The following PIEZO2 variants were observed in gnomAD, a reference collection of about 807,000 sequenced individuals.
PIEZO2 encodes piezo type mechanosensitive ion channel component 2, also known as piezo-type mechanosensitive ion channel component 2.
In PIEZO2, 172 loss-of-function variants were observed where a neutral mutation model predicts 337.3. The ratio of observed to expected loss-of-function variants is 0.51; its 90% CI spans 0.45 to 0.58. The LOEUF is 0.58. PIEZO2 is among the 20% of genes least tolerant of loss of function. The probability of loss-of-function intolerance (pLI) is 0.00; values close to 1 mark genes in which losing one functional copy is unlikely to be tolerated. For missense variants in PIEZO2, 3,028 were observed against 3,391.3 expected (o/e 0.89, Z 2.66); for synonymous variants, 1,251 against 1,228.5 (o/e 1.02, Z -0.38).
At chr18:11,068,467 A>T (rs185324952) in intron 1 of PIEZO2, among the ~76,000 whole-genome samples, 2 of 152,314 alleles carry the variant, frequency 1.3e-5, no homozygotes, top group Admixed American at 6.5e-5. Context: ...TAAAAGGGAG[A>T]TTAGAAAATA....
chr18:11,129,913 T>C lies in PIEZO2; in HGVS notation c.64+18612A>G, dbSNP rs955238357. The stretch of plus-strand genomic sequence containing the variant: ...TGGATCCAGTGGGTCCCCAGCCTCA[T>C]CCTGTGGTCATTTCCCCAATGCCAG... On this transcript the variant is annotated intron_variant, in intron 1 of 55. Transcript: ENST00000674853. The surrounding 1 kb of genome is among the most constrained non-coding windows in gnomAD (Gnocchi z 4.6). Among the ~76,000 whole-genome samples, 2 of 152,112 alleles carry C rather than the reference T, an allele frequency of 1.3e-5. No homozygotes were observed. Among genetic ancestry groups the C allele is most frequent in the Non-Finnish European group, 2.9e-5 (2 of 68,002 alleles).
intron 20 of PIEZO2, among the ~76,000 whole-genome samples, chr18:10,771,242 G>A (rs888968851): frequency 6.6e-6 from 1 of 152,264 alleles, no homozygotes; most frequent in Non-Finnish European, 1.5e-5. Flanking sequence ...TGCATGGGCA[G>A]GAAGAGCTTG....
At chr18:10,785,601 C>T (rs933138630) in intron 16 of PIEZO2, among the ~76,000 whole-genome samples, 2 of 152,180 alleles carry the variant, frequency 1.3e-5, no homozygotes, top group African/African-American at 4.8e-5. Flanking sequence ...ATAAATGGTA[C>T]AACTGTCTAC....
chr18:10,811,988 C>A (rs897742636), intron 7 of PIEZO2, among the ~76,000 whole-genome samples: 2 of 152,194 alleles, frequency 1.3e-5, no homozygotes, highest in Non-Finnish European at 1.5e-5. Flanking sequence ...CGCCCGCCAC[C>A]ACGCCCGGCT....
chr18:10,965,108 C>A lies in PIEZO2; in HGVS notation c.286+14427G>T, dbSNP rs559197525. Among the ~76,000 whole-genome samples the A allele has an allele frequency of 1.9e-4, 29 of 152,056 alleles. No individual in the cohort carries two copies. In the East Asian group the frequency reaches 3.7e-3, roughly 19 times the overall value. On this transcript the variant is annotated intron_variant, in intron 3 of 55. Transcript: ENST00000674853. The stretch of plus-strand genomic sequence containing the variant: ...TTGTGAACAGGTATCTGTGTGAATA[C>A]CTGTTTCCAATTCTTTTGTGTGTGT...
In PIEZO2 at chr18:10,863,538, G is replaced by A. The variant is rs1048413843; in HGVS notation, c.493-6327C>T. On this transcript the variant is annotated intron_variant, in intron 5 of 55. Transcript: ENST00000674853. This position sits in a 1 kb window ranked among gnomAD's most constrained non-coding sequence, Gnocchi z 4.3. ...CAGGGAAGGACAAACTGAATCAGCA[G>A]ACAGTGGCCAGTTAGACCAATGCCT... Among the ~76,000 whole-genome samples, 1 of 152,212 alleles carries A rather than the reference G, an allele frequency of 6.6e-6. No homozygotes were observed. The highest frequency in any genetic ancestry group is 1.5e-5 in the Non-Finnish European group (1 of 68,044).
intron 50 of PIEZO2, 107 bp downstream of exon 50, chr18:10,681,997 C>T: frequency 8.7e-7 from 1 of 1,145,132 alleles, no homozygotes; most frequent in Non-Finnish European, 1.2e-6. Context: ...CAGTCAAATG[C>T]CGACAGCAGG....
rs2035538198 is a variant in PIEZO2 at position 10,705,452 on chromosome 18, A to G, written c.5883T>C (p.Ser1961=). ...EHLSFGSQDD[S]AGKNRMAVSP... ...TGACTGCCATACGGTTCTTGCCTGC[A>G]GAGTCGTCCTGCGAGCCGAAGGACA... The change falls in exon 41 of 56, where the codon TCT becomes TCC. Residue 1961 remains serine (S), a synonymous_variant. Transcript: ENST00000674853. 6.5e-7 allele frequency: 1 copy of G among 1,537,214 alleles called. No individual in the cohort carries two copies. Among genetic ancestry groups the G allele is most frequent in the East Asian group, 2.4e-5 (1 of 40,894 alleles).
intron 3 of PIEZO2, among the ~76,000 whole-genome samples, chr18:10,919,664 A>G (rs575462668): frequency 1.3e-5 from 2 of 152,264 alleles, no homozygotes; most frequent in South Asian, 4.1e-4. Context: ...TTCTTTTCAA[A>G]AATTACTTCC....
intron 2 of PIEZO2, among the ~76,000 whole-genome samples, chr18:10,981,506 C>A (rs1288498613): frequency 2.6e-5 from 4 of 152,122 alleles, no homozygotes; most frequent in African/African-American, 9.7e-5. Flanking sequence ...AAGAAAAAGG[C>A]TCTGAAGAAA....
chr18:10,980,471 A>C lies in PIEZO2; in HGVS notation c.161-811T>G, dbSNP rs967269425. Among the ~76,000 whole-genome samples the C allele has an allele frequency of 6.6e-6, 1 of 152,220 alleles. No individual in the cohort carries two copies. Among genetic ancestry groups the C allele is most frequent in the Non-Finnish European group, 1.5e-5 (1 of 68,026 alleles). ...CCAGTATCAGAGAATGATCAAGGCC[A>C]CTTGATATGAATGCCACTAATTAAC... On this transcript the variant is annotated intron_variant, in intron 2 of 55. Transcript: ENST00000674853. This position sits in a 1 kb window ranked among gnomAD's most constrained non-coding sequence, Gnocchi z 4.8.
At chr18:11,082,919 T>C (rs1393581883) in intron 1 of PIEZO2, among the ~76,000 whole-genome samples, 2 of 152,234 alleles carry the variant, frequency 1.3e-5, no homozygotes, top group African/African-American at 2.4e-5. Flanking sequence ...AATTTGATTC[T>C]ATCATATTAT....
chr18:10,935,901 C>G (rs1029591812), intron 3 of PIEZO2, among the ~76,000 whole-genome samples: 146 of 152,296 alleles, frequency 9.6e-4, no homozygotes, highest in Non-Finnish European at 3.5e-4. Context: ...AAGGACATTC[C>G]AAAACTTTCA....
chr18:10,787,845 T>C (rs1479945104), intron 15 of PIEZO2, among the ~76,000 whole-genome samples: 7 of 152,224 alleles, frequency 4.6e-5, no homozygotes, highest in Non-Finnish European at 8.8e-5. Context: ...TCTTTTATCA[T>C]CAGTTAAAAG....
intron 54 of PIEZO2, among the ~76,000 whole-genome samples, chr18:10,674,709 G>GA (rs2033917303): frequency 6.6e-6 from 1 of 152,224 alleles, no homozygotes; most frequent in Non-Finnish European, 1.5e-5. Flanking sequence ...ATGAAGTCAA[G>GA]CAATTCTTGA....
intron 7 of PIEZO2, among the ~76,000 whole-genome samples, chr18:10,818,172 T>C (rs886308454): frequency 3.3e-5 from 5 of 152,156 alleles, no homozygotes; most frequent in Non-Finnish European, 5.9e-5. Context: ...ATACTTCACG[T>C]TCCTTGTCAT....
At chr18:11,023,225 T>A (rs577851991) in intron 2 of PIEZO2, among the ~76,000 whole-genome samples, 27 of 152,122 alleles carry the variant, frequency 1.8e-4, no homozygotes, top group Non-Finnish European at 3.4e-4. Flanking sequence ...TATTCTCTTA[T>A]CTGGCCCCAC....
intron 54 of PIEZO2, among the ~76,000 whole-genome samples, chr18:10,674,972 C>T (rs922571762): frequency 2.6e-5 from 4 of 152,024 alleles, no homozygotes; most frequent in South Asian, 2.1e-4. Context: ...AAATTTGGTG[C>T]GAATATACGT....
chr18:11,145,777 T>A (rs1237070577), intron 1 of PIEZO2, among the ~76,000 whole-genome samples: 1 of 152,196 alleles, frequency 6.6e-6, no homozygotes, highest in Non-Finnish European at 1.5e-5. Context: ...AGTATCATGA[T>A]TAGAAGATGT....
Sources: gnomAD v4.1 joint callset for allele counts (sites outside exome capture counted in the v4.1 genomes callset) on GRCh38, gnomAD v4.1.1 for gene constraint, Gnocchi (gnomAD v3.1) non-coding constraint, MANE v1.5 for transcripts, NCBI Gene and HGNC (gene_info 2026-07-23, HGNC 2026-07-21) for gene names.